The following SLC51A variants were observed in gnomAD, a reference collection of about 807,000 sequenced individuals.
SLC51A encodes the protein solute carrier family 51 member A.
In SLC51A, 22 loss-of-function variants were observed where a neutral mutation model predicts 34.8. The ratio of observed to expected loss-of-function variants is 0.63; its 90% CI spans 0.45 to 0.90. The LOEUF (loss-of-function observed/expected upper bound fraction) is 0.90. Ranked by LOEUF, SLC51A falls within the 40% of genes least tolerant of loss-of-function variation. The pLI is 0.00. For missense variants in SLC51A, 371 were observed against 414.8 expected, an observed-to-expected ratio of 0.89 and a Z score of 0.92; for synonymous variants, 181 against 176.3, an observed-to-expected ratio of 1.03 and a Z score of -0.21.
Position 196,217,926 on chromosome 3 carries a change from A to T in SLC51A, c.123A>T (p.Gln41His), listed in dbSNP as rs568024007. 6.2e-7 allele frequency: 1 copy of T among 1,612,464 alleles called. No individual in the cohort carries two copies. The highest frequency in any genetic ancestry group is 1.7e-5 in the Admixed American group (1 of 59,870). The change falls in exon 2 of 9, where the codon CAA becomes CAT. Residue 41 changes from glutamine (Q) to histidine (H), a missense_variant. Physicochemically the swap from Gln to His is conservative, Grantham distance 24. Transcript: ENST00000296327. Reference sequence around the variant, plus strand: ...TCTCTCAGCCTCCCACAGCAGCCCAACTCCTGAGAGGTGAGTGGGGACCCT... The same window carrying T: ...TCTCTCAGCCTCCCACAGCAGCCCATCTCCTGAGAGGTGAGTGGGGACCCT... ...ACFSQPPTAA[Q>H]LLRALGPVEL...
At chr3:196,225,516 A>G (rs549324395) in intron 2 of SLC51A, among the ~76,000 whole-genome samples, 1 of 152,298 alleles carries the variant, frequency 6.6e-6, no homozygotes, top group South Asian at 2.1e-4. Context: ...CAACAGGACA[A>G]TGACTGGAGT....
At chr3:196,226,696 C>T (rs1723899332) in intron 2 of SLC51A, 2 of 232,482 alleles carry the variant, frequency 8.6e-6, no homozygotes, top group Admixed American at 1.1e-4. Context: ...ATCACTTAAA[C>T]CCAGGAGATG....
chr3:196,217,918 G>A lies in SLC51A; in HGVS notation c.115G>A (p.Ala39Thr), dbSNP rs776266990. 3.7e-6 allele frequency: 6 copies of A among 1,612,860 alleles called. No individual in the cohort carries two copies. The change falls in exon 2 of 9, where the codon GCA (alanine) becomes ACA (threonine). Residue 39 changes from alanine to threonine, a missense_variant. Ala to Thr is a moderately conservative substitution (Grantham distance 58). Coordinates refer to ENST00000296327, the MANE Select transcript of SLC51A (RefSeq NM_152672.6). ...CGCCTGCTTCTCTCAGCCTCCCACA[G>A]CAGCCCAACTCCTGAGAGGTGAGTG... is the stretch of plus-strand genomic sequence containing the variant. ...PSACFSQPPT[A>T]AQLLRALGPV...
chr3:196,219,021 T>C (rs1479893749), intron 2 of SLC51A, among the ~76,000 whole-genome samples: 5 of 152,000 alleles, frequency 3.3e-5, no homozygotes, highest in Non-Finnish European at 7.4e-5. Flanking sequence ...AAGCCAGAAG[T>C]TGGAGACCAG....
chr3:196,220,215 G>T (rs1577344043), intron 2 of SLC51A, among the ~76,000 whole-genome samples: 1 of 152,238 alleles, frequency 6.6e-6, no homozygotes, highest in Non-Finnish European at 1.5e-5. Context: ...GCTCGTGAAG[G>T]CTCTGAGGCT....
At chr3:196,231,391 C>CTTG (rs1364305805) in intron 7 of SLC51A, among the ~76,000 whole-genome samples, 1 of 152,176 alleles carries the variant, frequency 6.6e-6, no homozygotes, top group Non-Finnish European at 1.5e-5. Flanking sequence ...GACTTCTAAC[C>CTTG]CAGTCTTGTT....
chr3:196,221,448 T>A (rs997921772), intron 2 of SLC51A, among the ~76,000 whole-genome samples: 1 of 152,024 alleles, frequency 6.6e-6, no homozygotes, highest in Non-Finnish European at 1.5e-5. Flanking sequence ...TCAATTTTTG[T>A]AGAGACAGAG....
At chr3:196,227,321 G>T in intron 3 of SLC51A, 1 of 615,070 alleles carries the variant, frequency 1.6e-6, no homozygotes, top group South Asian at 2.0e-5. Flanking sequence ...TCTAAGGGCT[G>T]CGGAGACAGC....
chr3:196,223,349 C>T (rs975527335), intron 2 of SLC51A, among the ~76,000 whole-genome samples: 5 of 151,910 alleles, frequency 3.3e-5, no homozygotes, highest in African/African-American at 7.2e-5. Flanking sequence ...TCCCTGCCTC[C>T]GTGGAGTGTG....
rs562599389 is a variant in SLC51A at position 196,228,708 on chromosome 3, C to T, written c.522-101C>T. 2.4e-4 allele frequency: 232 copies of T among 947,828 alleles called. No individual in the cohort carries two copies. The African/African-American group carries it at 3.4e-3, about 14-fold the overall frequency. The allele number at this position is 947,828 out of a possible 1,614,324, so 58.7% of individuals were successfully genotyped here. A position where few individuals can be genotyped will look rare whatever the true frequency, so the allele number is the denominator to read the frequency against. On this transcript the variant is annotated intron_variant, in intron 5 of 8. Coordinates refer to ENST00000296327, the MANE Select transcript of SLC51A (RefSeq NM_152672.6). This position sits in a 1 kb window ranked among gnomAD's most constrained non-coding sequence, Gnocchi z 4.9. Reference sequence around the variant, plus strand: ...CACTTAACCTGGTTGGTGTTTATGACAGCAGCCGAGCCTCAGCCCAGGAGC... The same window carrying T: ...CACTTAACCTGGTTGGTGTTTATGATAGCAGCCGAGCCTCAGCCCAGGAGC...
intron 2 of SLC51A, among the ~76,000 whole-genome samples, chr3:196,223,125 G>A (rs566697697): frequency 1.3e-5 from 2 of 151,762 alleles, no homozygotes; most frequent in Non-Finnish European, 2.9e-5. Flanking sequence ...TGTGGGCTTA[G>A]TCACGAATAC....
intron 7 of SLC51A, among the ~76,000 whole-genome samples, chr3:196,231,525 T>G (rs1724028461): frequency 6.6e-6 from 1 of 152,132 alleles, no homozygotes; most frequent in South Asian, 2.1e-4. Flanking sequence ...GCCTCCCAAA[T>G]GTGAACTTCC....
Position 196,227,118 on chromosome 3 carries a change from C to T in SLC51A, c.287C>T (p.Thr96Met), listed in dbSNP as rs544950898. The change falls in exon 3 of 9, where the codon ACG (threonine) becomes ATG (methionine). Residue 96 changes from threonine to methionine, a missense_variant and splice_region_variant. Coordinates refer to ENST00000296327, the MANE Select transcript of SLC51A (RefSeq NM_152672.6). Reference protein sequence around the residue: ...RTLLWKSSAPTVVSVLCCFGL... With the variant: ...RTLLWKSSAPMVVSVLCCFGL... ...CTGCTCTGGAAGAGCTCGGCACCCA[C>T]GGTGAGGCCCCCGGGGCTGCCCTGT... 32 of 1,613,436 alleles carry T rather than the reference C, an allele frequency of 2.0e-5. 1 individual carries two copies. In the South Asian group the frequency reaches 2.5e-4, roughly 13 times the overall value.
intron 3 of SLC51A, chr3:196,227,330 G>C (rs970691761): frequency 6.6e-6 from 4 of 607,402 alleles, no homozygotes; most frequent in African/African-American, 5.6e-5. Context: ...TGCGGAGACA[G>C]CTGGAGATCT....
At chr3:196,220,602 C>G (rs1560151676) in intron 2 of SLC51A, among the ~76,000 whole-genome samples, 1 of 152,040 alleles carries the variant, frequency 6.6e-6, no homozygotes. Flanking sequence ...GTCTCAACAA[C>G]AGCAAAAAAT....
At chr3:196,223,755 G>T in intron 2 of SLC51A, 2 of 232,112 alleles carry the variant, frequency 8.6e-6, no homozygotes, top group Non-Finnish European at 1.7e-5. Flanking sequence ...AAAAAAGAAA[G>T]AAAGAAAATA....
chr3:196,220,890 CTTTTTT>C (rs758950658), intron 2 of SLC51A, among the ~76,000 whole-genome samples: 1 of 132,320 alleles, frequency 7.6e-6, no homozygotes, highest in African/African-American at 2.8e-5. Flanking sequence ...CTTAATTTTT[CTTTTTT>C]TTTTTTTTTT....
intron 7 of SLC51A, among the ~76,000 whole-genome samples, chr3:196,231,780 T>C (rs1036503139): frequency 2.0e-5 from 3 of 152,240 alleles, no homozygotes; most frequent in East Asian, 3.8e-4. Context: ...AATACTAAGA[T>C]AAATGGTGCT....
chr3:196,228,128 T>C lies in SLC51A; in HGVS notation c.376T>C (p.Cys126Arg). ...TCCCCACCCCAGGTTTTATGCCGTG[T>C]GCTTTTACCTGCTGATGCTGGTCAT... ...EMTITSFYAVCFYLLMLVMVE... is the reference protein window; with the variant it reads ...EMTITSFYAVRFYLLMLVMVE... The change falls in exon 5 of 9, where the codon TGC (cysteine) becomes CGC (arginine). Residue 126 changes from cysteine to arginine, a missense_variant. Coordinates refer to ENST00000296327, the MANE Select transcript of SLC51A (RefSeq NM_152672.6). This position sits in a 1 kb window ranked among gnomAD's most constrained non-coding sequence, Gnocchi z 4.9. The C allele has an allele frequency of 1.2e-6, 2 of 1,613,888 alleles. No individual in the cohort carries two copies. Among genetic ancestry groups the C allele is most frequent in the Non-Finnish European group, 1.7e-6 (2 of 1,179,876 alleles).
Sources: gnomAD v4.1 joint callset for allele counts (sites outside exome capture counted in the v4.1 genomes callset) on GRCh38, gnomAD v4.1.1 for gene constraint, Gnocchi (gnomAD v3.1) non-coding constraint, MANE v1.5 for transcripts, NCBI Gene and HGNC (gene_info 2026-07-23, HGNC 2026-07-21) for gene names.